The following RAP1GAP2 variants were observed in gnomAD, a reference collection of about 807,000 sequenced individuals.
RAP1GAP2 encodes RAP1 GTPase activating protein 2.
A neutral mutation model predicts 95.0 loss-of-function variants in RAP1GAP2; 27 were observed. The ratio of observed to expected loss-of-function variants is 0.28; its 90% CI spans 0.21 to 0.39. The LOEUF is 0.39. Among genes scored for constraint, RAP1GAP2 ranks in the 10% least tolerant of loss-of-function variants. The pLI, the probability that RAP1GAP2 is intolerant of heterozygous loss-of-function variation, is 1.00. For synonymous variants in RAP1GAP2, 373 were observed against 380.9 expected (o/e 0.98, Z 0.24); for missense variants, 771 against 970.0 (o/e 0.79, Z 2.72).
At chr17:2,957,908 G>C in intron 4 of RAP1GAP2, 114 bp downstream of exon 4, 1 of 1,150,540 alleles carries the variant, frequency 8.7e-7, no homozygotes, top group Non-Finnish European at 1.2e-6. Context: ...GGGGTGCAGA[G>C]AAGAGACAAT....
intron 2 of RAP1GAP2, among the ~76,000 whole-genome samples, chr17:2,833,082 T>A (rs187994784): frequency 5.3e-5 from 8 of 152,180 alleles, no homozygotes; most frequent in African/African-American, 1.9e-4. Flanking sequence ...CAGTTTAGGG[T>A]CCAGCTTACA....
At chr17:2,765,204 C>T (rs772325677) in intron 1 of RAP1GAP2, among the ~76,000 whole-genome samples, 1 of 152,168 alleles carries the variant, frequency 6.6e-6, no homozygotes, top group Non-Finnish European at 1.5e-5. Context: ...CAGATGGCTC[C>T]GCAGCCAGCC....
chr17:2,766,812 T>C (rs756407521), intron 1 of RAP1GAP2, among the ~76,000 whole-genome samples: 21 of 152,136 alleles, frequency 1.4e-4, no homozygotes, highest in Non-Finnish European at 2.9e-4. Context: ...ATTTAAGCCA[T>C]GCAGTCTATG....
chr17:2,847,213 T>C (rs559405567), intron 2 of RAP1GAP2, among the ~76,000 whole-genome samples: 2 of 152,306 alleles, frequency 1.3e-5, no homozygotes, highest in South Asian at 4.1e-4. Flanking sequence ...TTCACCATGT[T>C]GGCCAGACTG....
chr17:2,944,695 G>A (rs2151439568), intron 3 of RAP1GAP2, among the ~76,000 whole-genome samples: 1 of 151,244 alleles, frequency 6.6e-6, no homozygotes, highest in South Asian at 2.1e-4. Context: ...TAGAGATCGC[G>A]TTAGATAGGT....
At chr17:2,792,604 C>G (rs892587468), upstream of RAP1GAP2, among the ~76,000 whole-genome samples, 2 of 152,216 alleles carry the variant, frequency 1.3e-5, no homozygotes, top group Non-Finnish European at 2.9e-5. Flanking sequence ...GCCCCTGGAT[C>G]CTCCTGGTTT....
intron 2 of RAP1GAP2, among the ~76,000 whole-genome samples, chr17:2,860,594 C>CTTTTTTTTTTT (rs561492877): frequency 2.1e-5 from 2 of 96,064 alleles, no homozygotes; most frequent in African/African-American, 8.7e-5. Flanking sequence ...ACTTATTTAT[C>CTTTTTTTTTTT]TTTTTTTTTT....
At chr17:2,970,743 A>G (rs916972240) in intron 8 of RAP1GAP2, among the ~76,000 whole-genome samples, 1 of 152,150 alleles carries the variant, frequency 6.6e-6, no homozygotes, top group South Asian at 2.1e-4. Flanking sequence ...TTAAGATTCT[A>G]TTTTTTAAAA....
chr17:2,919,002 G>GA (rs2042665108), intron 3 of RAP1GAP2, among the ~76,000 whole-genome samples: 1 of 152,186 alleles, frequency 6.6e-6, no homozygotes, highest in South Asian at 2.1e-4. Flanking sequence ...CATCTAGGGG[G>GA]AAGTACACCA....
At chr17:2,869,651 C>T (rs1224176481) in intron 2 of RAP1GAP2, among the ~76,000 whole-genome samples, 2 of 152,138 alleles carry the variant, frequency 1.3e-5, no homozygotes, top group African/African-American at 4.8e-5. Context: ...GTTGAAGGTC[C>T]CTCAGGGCTC....
At chr17:2,969,469 A>T (rs968620156) in intron 8 of RAP1GAP2, among the ~76,000 whole-genome samples, 8 of 146,852 alleles carry the variant, frequency 5.4e-5, no homozygotes, top group Admixed American at 2.7e-4. Context: ...TAAATAAGAT[A>T]TGTAAAGATG....
At chr17:2,901,531 A>G (rs896472326) in intron 2 of RAP1GAP2, among the ~76,000 whole-genome samples, 2 of 152,128 alleles carry the variant, frequency 1.3e-5, no homozygotes, top group Non-Finnish European at 2.9e-5. Flanking sequence ...TCTCAGTGCC[A>G]TGACATGTGG....
At chr17:2,922,919 G>A (rs922419226) in intron 3 of RAP1GAP2, among the ~76,000 whole-genome samples, 11 of 148,966 alleles carry the variant, frequency 7.4e-5, no homozygotes, top group Non-Finnish European at 1.0e-4. Flanking sequence ...CTTGGCTTGT[G>A]GCACGACCTT....
rs545771846 is a variant in RAP1GAP2, at chr17:2,979,044, TA to T, written c.597-1241del. ...GATATTAAAAATAATATGTCAGAAG[TA>T]AGTGGAGTTTTTACCCATGGAATCA... is the stretch of plus-strand genomic sequence containing the variant. On this transcript the variant is annotated intron_variant, in intron 8 of 24. Transcript: ENST00000254695. Among the ~76,000 whole-genome samples the T allele has an allele frequency of 2.1e-3, 323 of 151,754 alleles. 1 individual carries two copies. Among genetic ancestry groups the T allele is most frequent in the Non-Finnish European group, 3.7e-3 (248 of 67,800 alleles).
chr17:2,990,867 C>T (rs4510060), intron 11 of RAP1GAP2, among the ~76,000 whole-genome samples: 44,379 of 138,678 alleles, frequency 0.32, 7,100 homozygotes, highest in African/African-American at 0.35. Flanking sequence ...TTTTTTGAGA[C>T]GGGGTCTCAC....
intron 1 of RAP1GAP2, among the ~76,000 whole-genome samples, chr17:2,798,763 G>A (rs975336345): frequency 6.6e-6 from 1 of 152,194 alleles, no homozygotes; most frequent in African/African-American, 2.4e-5. Flanking sequence ...CAAAACCAGA[G>A]CCCTGCCCTC....
At chr17:2,937,021 C>T (rs980299592) in intron 3 of RAP1GAP2, among the ~76,000 whole-genome samples, 8 of 152,186 alleles carry the variant, frequency 5.3e-5, no homozygotes, top group African/African-American at 9.7e-5. Context: ...GCTAATTAAA[C>T]GAGAAGTTTT....
chr17:2,980,629 T>A (rs2045321280), intron 9 of RAP1GAP2, among the ~76,000 whole-genome samples: 2 of 152,162 alleles, frequency 1.3e-5, no homozygotes. Flanking sequence ...TCCAGGTAGT[T>A]CACAGCTAGT....
chr17:2,889,863 G>GTGTATA (rs1363693850), intron 2 of RAP1GAP2, among the ~76,000 whole-genome samples: 5 of 79,842 alleles, frequency 6.3e-5, no homozygotes, highest in African/African-American at 1.0e-4. Flanking sequence ...TTATGTGTGT[G>GTGTATA]TATATATATA....
Sources: allele counts gnomAD v4.1 joint callset (sites outside exome capture counted in the v4.1 genomes callset), GRCh38; gene constraint gnomAD v4.1.1; transcripts MANE v1.5; gene names NCBI Gene and HGNC (gene_info 2026-07-23, HGNC 2026-07-21).